ZMYND11: variants seen among roughly 807,000 people sequenced by gnomAD.
The protein encoded by ZMYND11 is zinc finger MYND domain-containing protein 11.
In ZMYND11, 9 loss-of-function variants were observed where a neutral mutation model predicts 84.9. The ratio of observed to expected loss-of-function variants is 0.11; its 90% CI spans 0.06 to 0.18. The LOEUF is 0.18. Ranked by LOEUF, ZMYND11 falls within the 10% of genes least tolerant of loss-of-function variation. The probability of loss-of-function intolerance (pLI) is 1.00; values close to 1 mark genes in which losing one functional copy is unlikely to be tolerated. For synonymous variants in ZMYND11, 250 were observed against 244.1 expected, an observed-to-expected ratio of 1.02 and a Z score of -0.23; for missense variants, 409 against 761.0, an observed-to-expected ratio of 0.54 and a Z score of 5.44.
intron 14 of ZMYND11, among the ~76,000 whole-genome samples, chr10:251,856 A>G (rs1953554242): frequency 6.6e-6 from 1 of 152,078 alleles, no homozygotes; most frequent in Non-Finnish European, 1.5e-5. Context: ...ACATTGCCAA[A>G]TAAGATGAAG....
Position 243,603 on chromosome 10 carries a change from C to T in ZMYND11, c.950+1464C>T, listed in dbSNP as rs1334341260. Among the ~76,000 whole-genome samples the T allele has an allele frequency of 2.0e-5, 3 of 152,188 alleles. No individual in the cohort carries two copies. In the East Asian group the frequency reaches 5.8e-4, roughly 29 times the overall value. On this transcript the variant is annotated intron_variant, in intron 10 of 14. Transcript: ENST00000381604. ...GGGTTAGGCCAGGCACGGTGGCTCA[C>T]GCCTGTAATCCCTGCACTTTGGGAG...
At chr10:249,616 T>C (rs1253506418) in intron 14 of ZMYND11, 1 of 985,306 alleles carries the variant, frequency 1.0e-6, no homozygotes, top group Non-Finnish European at 1.2e-6. Context: ...TGTCATCGTG[T>C]CCTGCTCGCC....
chr10:166,075 A>G (rs1378992347), intron 1 of ZMYND11, among the ~76,000 whole-genome samples: 2 of 152,128 alleles, frequency 1.3e-5, no homozygotes, highest in African/African-American at 2.4e-5. Flanking sequence ...AAATTGGACC[A>G]CCTACCTCAC....
At chr10:207,442 T>G (rs993104823) in intron 2 of ZMYND11, among the ~76,000 whole-genome samples, 8 of 152,342 alleles carry the variant, frequency 5.3e-5, no homozygotes, top group African/African-American at 9.6e-5. Flanking sequence ...TGAACTAGTT[T>G]ACAGTCCCAC....
At chr10:171,292 T>C (rs542203947) in intron 1 of ZMYND11, among the ~76,000 whole-genome samples, 1 of 152,296 alleles carries the variant, frequency 6.6e-6, no homozygotes, top group Admixed American at 6.5e-5. Flanking sequence ...AAGGACGTAG[T>C]TGAACTCAAA....
intron 1 of ZMYND11, among the ~76,000 whole-genome samples, chr10:142,543 A>G (rs1470063925): frequency 6.6e-6 from 1 of 152,210 alleles, no homozygotes. Context: ...CTGGTGCCCA[A>G]GGTCATAGAG....
At chr10:246,316 G>GCATTTTCAA (rs917529529) in intron 10 of ZMYND11, among the ~76,000 whole-genome samples, 6 of 152,078 alleles carry the variant, frequency 3.9e-5, no homozygotes, top group African/African-American at 1.4e-4. Context: ...AAATTTTTGG[G>GCATTTTCAA]CATTTTCAAG....
intron 1 of ZMYND11, among the ~76,000 whole-genome samples, chr10:149,459 T>C (rs1839789576): frequency 6.6e-6 from 1 of 151,944 alleles, no homozygotes; most frequent in East Asian, 1.9e-4. Flanking sequence ...TACAGGCGCC[T>C]ACCACCATGC....
chr10:186,059 G>A (rs990960938), intron 2 of ZMYND11, among the ~76,000 whole-genome samples: 14 of 151,002 alleles, frequency 9.3e-5, no homozygotes, highest in Non-Finnish European at 1.8e-4. Context: ...GCCCAGGTTG[G>A]AGTGCAGTGG....
intron 3 of ZMYND11, among the ~76,000 whole-genome samples, chr10:217,337 A>G (rs904475674): frequency 5.3e-5 from 8 of 152,154 alleles, no homozygotes; most frequent in African/African-American, 1.9e-4. Context: ...CCTGGGTAAC[A>G]TGGCGAAATC....
intron 1 of ZMYND11, among the ~76,000 whole-genome samples, chr10:167,635 CT>C (rs1844316457): frequency 6.6e-6 from 1 of 152,032 alleles, no homozygotes; most frequent in South Asian, 2.1e-4. Context: ...TCTAAGGGCT[CT>C]GTATTGCCAG....
intron 2 of ZMYND11, among the ~76,000 whole-genome samples, chr10:198,576 A>G (rs1942348901): frequency 6.6e-6 from 1 of 152,196 alleles, no homozygotes; most frequent in Non-Finnish European, 1.5e-5. Flanking sequence ...AAAAGGGTTC[A>G]TATTTTAGTG....
chr10:153,500 C>T (rs546814761), intron 1 of ZMYND11, among the ~76,000 whole-genome samples: 22 of 152,246 alleles, frequency 1.4e-4, no homozygotes, highest in South Asian at 4.1e-4. Context: ...AGAAATATAA[C>T]GAAGAGTTTC....
chr10:148,005 T>TTA (rs1839331029), intron 1 of ZMYND11: 2 of 152,342 alleles, frequency 1.3e-5, no homozygotes, highest in South Asian at 4.1e-4. Flanking sequence ...CGTCCTGGGG[T>TTA]TATGTCTTCA....
intron 2 of ZMYND11, among the ~76,000 whole-genome samples, chr10:201,975 C>G (rs1255063568): frequency 1.3e-5 from 2 of 152,078 alleles, no homozygotes; most frequent in Non-Finnish European, 2.9e-5. Flanking sequence ...AAGAAAAGTT[C>G]TTGTTATAGA....
Position 237,569 on chromosome 10 carries a change from A to T in ZMYND11, c.517-16A>T. 6.5e-7 allele frequency: 1 copy of T among 1,544,562 alleles called. No individual in the cohort carries two copies. On this transcript the variant is annotated splice_polypyrimidine_tract_variant and intron_variant, in intron 5 of 14. Transcript: ENST00000381604. ...CCTTTAACCACATTTAAATTGATGT[A>T]CTAACACCCTCTTAGGCTATAGATC...
Position 199,285 on chromosome 10 carries a change from C to T in ZMYND11, c.117-10604C>T, listed in dbSNP as rs1310769340. Among the ~76,000 whole-genome samples the T allele has an allele frequency of 5.1e-5, 4 of 78,660 alleles. No individual in the cohort carries two copies. In the East Asian group the frequency reaches 1.2e-3, roughly 23 times the overall value. 51.6% of individuals were successfully genotyped at this position (78,660 alleles called of 152,430 possible). A position where few individuals can be genotyped will look rare whatever the true frequency, so the allele number is the denominator to read the frequency against. On this transcript the variant is annotated intron_variant, in intron 2 of 14. Coordinates refer to ENST00000381604, the MANE Select transcript of ZMYND11 (RefSeq NM_001370100.5). ...TCTCCCCATTCCCCTTCCCATCCCTCCCTCCCTCACTCCCTCCCTCTCTTC... is the reference window on the plus strand; with the variant it reads ...TCTCCCCATTCCCCTTCCCATCCCTTCCTCCCTCACTCCCTCCCTCTCTTC...
chr10:239,557 T>C, intron 7 of ZMYND11, 32 bp downstream of exon 7: 1 of 1,413,466 alleles, frequency 7.1e-7, no homozygotes, highest in Non-Finnish European at 9.9e-7. Flanking sequence ...TGTATGCATT[T>C]TTAAACACAC....
intron 3 of ZMYND11, among the ~76,000 whole-genome samples, chr10:212,054 T>A (rs1252580989): frequency 3.3e-5 from 5 of 152,174 alleles, no homozygotes; most frequent in Non-Finnish European, 7.4e-5. Flanking sequence ...TAACAGTAAG[T>A]GCAACTTAAT....
Sources: allele counts gnomAD v4.1 joint callset (sites outside exome capture counted in the v4.1 genomes callset), GRCh38; gene constraint gnomAD v4.1.1; transcripts MANE v1.5; gene names NCBI Gene and HGNC (gene_info 2026-07-23, HGNC 2026-07-21).